The following FRMD6 variants were observed in gnomAD, a reference collection of about 807,000 sequenced individuals.
FRMD6 encodes the protein FERM domain-containing protein 6.
In FRMD6, 37 loss-of-function variants were observed where a neutral mutation model predicts 73.2. That is an observed-to-expected ratio of 0.51 (90% confidence interval 0.39 to 0.66). The LOEUF is 0.66. Among genes scored for constraint, FRMD6 ranks in the 30% least tolerant of loss-of-function variants. FRMD6 has a pLI of 0.00. For synonymous variants in FRMD6, 273 were observed against 282.2 expected, an observed-to-expected ratio of 0.97 and a Z score of 0.33; for missense variants, 714 against 780.5, an observed-to-expected ratio of 0.91 and a Z score of 1.02.
rs371915919 is a variant in FRMD6 at position 51,628,877 on chromosome 14, CTT to C, written c.-147+58483_-147+58484del. Reference sequence around the variant, plus strand: ...TGCATCTACCTTTTTCTTTTCTTTTCTTTTTTTTTTTTTTTTTGAGACGGAGT... The same window carrying C: ...TGCATCTACCTTTTTCTTTTCTTTTCTTTTTTTTTTTTTTTGAGACGGAGT... On this transcript the variant is annotated intron_variant, in intron 2 of 14. Transcript: ENST00000356218. 9.4e-3 allele frequency among the ~76,000 whole-genome samples: 896 copies of C among 95,238 alleles called. 3 individuals carry two copies. Among genetic ancestry groups the C allele is most frequent in the African/African-American group, 0.034 (833 of 24,246 alleles). 62.5% of individuals were successfully genotyped at this position (95,238 alleles called of 152,430 possible). A position where few individuals can be genotyped will look rare whatever the true frequency, so the allele number is the denominator to read the frequency against.
At chr14:51,668,736 G>C (rs1243272390) in intron 1 of FRMD6, among the ~76,000 whole-genome samples, 1 of 151,828 alleles carries the variant, frequency 6.6e-6, no homozygotes, top group Non-Finnish European at 1.5e-5. Context: ...CCATAGTCTT[G>C]GCTCTCTGCA....
chr14:51,516,690 A>G (rs981438184), intron 1 of FRMD6, among the ~76,000 whole-genome samples: 1 of 152,230 alleles, frequency 6.6e-6, no homozygotes, highest in African/African-American at 2.4e-5. Context: ...AAATAAACGT[A>G]AAAAGCTGTG....
chr14:51,548,606 A>C (rs1189052721), intron 1 of FRMD6, among the ~76,000 whole-genome samples: 1 of 152,228 alleles, frequency 6.6e-6, no homozygotes, highest in Non-Finnish European at 1.5e-5. Context: ...GAAATAGAAA[A>C]ATAATTGGAC....
intron 1 of FRMD6, among the ~76,000 whole-genome samples, chr14:51,553,241 T>C (rs1359787836): frequency 6.6e-6 from 1 of 152,168 alleles, no homozygotes; most frequent in East Asian, 1.9e-4. Flanking sequence ...ATGGGAAATG[T>C]GATTTCAGGA....
the FRMD6 span, among the ~76,000 whole-genome samples, chr14:51,404,445 A>G: frequency 1.3e-5 from 2 of 152,050 alleles, no homozygotes; most frequent in African/African-American, 4.8e-5. Flanking sequence ...TTGAGCTTTT[A>G]AGTCTTATTT....
At chr14:51,481,809 G>A in the FRMD6 span, among the ~76,000 whole-genome samples, 1 of 152,176 alleles carries the variant, frequency 6.6e-6, no homozygotes, top group Non-Finnish European at 1.5e-5. Flanking sequence ...TCTGGCACAC[G>A]GGCCCCTCCA....
intron 9 of FRMD6, among the ~76,000 whole-genome samples, chr14:51,712,839 T>C (rs1367818035): frequency 2.6e-5 from 4 of 152,234 alleles, no homozygotes; most frequent in Non-Finnish European, 5.9e-5. Context: ...CCGTAGCACA[T>C]GACCCTAAGT....
intron 2 of FRMD6, among the ~76,000 whole-genome samples, chr14:51,579,914 C>A (rs1275815282): frequency 1.3e-5 from 2 of 152,170 alleles, no homozygotes; most frequent in Admixed American, 1.3e-4. Flanking sequence ...GGGGCTCATC[C>A]TTTACCAAAA....
intron 2 of FRMD6, among the ~76,000 whole-genome samples, chr14:51,613,503 G>A (rs531573617): frequency 3.2e-4 from 49 of 152,282 alleles, no homozygotes; most frequent in Admixed American, 3.1e-3. Context: ...CGGAGGGAGA[G>A]ATATTATGGA....
the FRMD6 span, among the ~76,000 whole-genome samples, chr14:51,445,860 A>C: frequency 6.6e-6 from 1 of 152,238 alleles, no homozygotes; most frequent in African/African-American, 2.4e-5. Flanking sequence ...ATATGTATTA[A>C]ATTATTATGA....
Position 51,503,395 on chromosome 14 carries a change from T to A in FRMD6, c.-210+13975T>A, listed in dbSNP as rs546322218. On this transcript the variant is annotated intron_variant, in intron 1 of 14. Coordinates refer to the FRMD6 transcript ENST00000356218. ...CTTCAATACCTAGTTTATTGAGAGT[T>A]TTTAACATGAAGGGATGTTGAATTT... is the stretch of plus-strand genomic sequence containing the variant. 7.2e-5 allele frequency among the ~76,000 whole-genome samples: 11 copies of A among 152,324 alleles called. No homozygotes were observed. The South Asian group carries it at 8.3e-4, about 11-fold the overall frequency.
chr14:51,548,110 A>G (rs1199556781), intron 1 of FRMD6, among the ~76,000 whole-genome samples: 1 of 152,232 alleles, frequency 6.6e-6, no homozygotes, highest in East Asian at 1.9e-4. Context: ...AATGATACTC[A>G]GACATTAGTG....
At chr14:51,452,156 A>G in the FRMD6 span, among the ~76,000 whole-genome samples, 1 of 152,264 alleles carries the variant, frequency 6.6e-6, no homozygotes, top group African/African-American at 2.4e-5. Flanking sequence ...AGAGATGATC[A>G]GAGCATGAGC....
At chr14:51,574,359 C>T (rs771564915) in intron 2 of FRMD6, among the ~76,000 whole-genome samples, 3 of 152,182 alleles carry the variant, frequency 2.0e-5, no homozygotes, top group Non-Finnish European at 2.9e-5. Flanking sequence ...TTTAAAGCTA[C>T]CCTGATAAGA....
At chr14:51,588,208 C>T (rs758835326) in intron 2 of FRMD6, among the ~76,000 whole-genome samples, 3 of 152,016 alleles carry the variant, frequency 2.0e-5, no homozygotes, top group African/African-American at 4.8e-5. Context: ...CTGCAAATGA[C>T]TCAATGTATA....
chr14:51,488,244 GCCCA>G (rs1487060277), upstream of FRMD6, among the ~76,000 whole-genome samples: 1 of 152,348 alleles, frequency 6.6e-6, no homozygotes, highest in East Asian at 1.9e-4. Flanking sequence ...TTGGCCACAG[GCCCA>G]CTTCTGAAGA....
upstream of FRMD6, among the ~76,000 whole-genome samples, chr14:51,648,590 T>C (rs969587192): frequency 6.6e-6 from 1 of 152,238 alleles, no homozygotes; most frequent in African/African-American, 2.4e-5. Flanking sequence ...CTGTTTATCC[T>C]TCCCTTCTCA....
At chr14:51,407,471 C>T in the FRMD6 span, among the ~76,000 whole-genome samples, 1 of 151,338 alleles carries the variant, frequency 6.6e-6, no homozygotes, top group African/African-American at 2.4e-5. Context: ...TATTACCAAA[C>T]ATTCAAAATT....
chr14:51,499,034 A>G (rs1381072501), intron 1 of FRMD6, among the ~76,000 whole-genome samples: 1 of 152,230 alleles, frequency 6.6e-6, no homozygotes, highest in Non-Finnish European at 1.5e-5. Flanking sequence ...AACAAGAAAC[A>G]GAGTTGAGCA....
Sources: gnomAD v4.1 joint callset for allele counts (sites outside exome capture counted in the v4.1 genomes callset) on GRCh38, gnomAD v4.1.1 for gene constraint, MANE v1.5 for transcripts, NCBI Gene and HGNC (gene_info 2026-07-23, HGNC 2026-07-21) for gene names.